The following ZNF529 variants were observed in gnomAD, a reference collection of about 807,000 sequenced individuals.
ZNF529 encodes the protein zinc finger protein 529.
A neutral mutation model predicts 10.1 loss-of-function variants in ZNF529; 11 were observed. That is an observed-to-expected ratio of 1.09 (90% CI 0.69 to 1.81). The LOEUF (loss-of-function observed/expected upper bound fraction) is 1.81, where lower values mean the gene tolerates loss of function less well. Ranked by LOEUF, ZNF529 falls within the 40% of genes most tolerant of loss-of-function variation. ZNF529 has a pLI of 0.00. For missense variants in ZNF529, 624 were observed against 666.8 expected, an observed-to-expected ratio of 0.94 and a Z score of 0.71; for synonymous variants, 204 against 215.7, an observed-to-expected ratio of 0.95 and a Z score of 0.47.
chr19:36,598,274 C>G (rs953631648), intron 1 of ZNF529, among the ~76,000 whole-genome samples: 2 of 152,262 alleles, frequency 1.3e-5, no homozygotes, highest in East Asian at 3.9e-4. Context: ...CTTTGGGAGG[C>G]TGAGGCTGGA....
At chr19:36,592,866 CT>C in intron 1 of ZNF529, among the ~76,000 whole-genome samples, 1 of 152,036 alleles carries the variant, frequency 6.6e-6, no homozygotes, top group Non-Finnish European at 1.5e-5. Context: ...AATATGATCA[CT>C]TTAGTATATA....
chr19:36,572,596 A>C (rs2036165635), intron 1 of ZNF529, among the ~76,000 whole-genome samples: 1 of 152,188 alleles, frequency 6.6e-6, no homozygotes, highest in African/African-American at 2.4e-5. Flanking sequence ...AGCTCAGGAA[A>C]TACTGTAGTT....
At chr19:36,560,106 A>G (rs2035625842) in intron 2 of ZNF529, among the ~76,000 whole-genome samples, 1 of 152,048 alleles carries the variant, frequency 6.6e-6, no homozygotes, top group African/African-American at 2.4e-5. Flanking sequence ...TGAAATAAAA[A>G]ATTAGCCGGG....
intron 2 of ZNF529, chr19:36,581,527 T>C (rs748666151): frequency 6.6e-6 from 1 of 152,242 alleles, no homozygotes; most frequent in Non-Finnish European, 1.5e-5. Flanking sequence ...ATTTGGATAT[T>C]TGTTCCCTCA....
chr19:36,565,482 C>T (rs929973859), intron 2 of ZNF529, among the ~76,000 whole-genome samples: 1 of 152,156 alleles, frequency 6.6e-6, no homozygotes, highest in Non-Finnish European at 1.5e-5. Flanking sequence ...GCAGGCGGAT[C>T]ATGAGGTCAG....
rs116722504 is a variant in ZNF529 at position 36,559,595 on chromosome 19, C to T, written c.15-3398G>A. On this transcript the variant is annotated intron_variant, in intron 2 of 4. Transcript: ENST00000591340. ...GTGCCGGAATTACAGGCGTGAGCCA[C>T]CACACATGGCCAAGTCAGTAACTTG... Among the ~76,000 whole-genome samples the T allele has an allele frequency of 5.7e-3, 866 of 152,354 alleles. 11 individuals are homozygous for T. The highest frequency in any genetic ancestry group is 0.02 in the African/African-American group (830 of 41,568).
At chr19:36,554,882 G>A (rs1483574051) in intron 3 of ZNF529, 86 bp from the exon 4 acceptor site, 12 of 1,233,780 alleles carry the variant, frequency 9.7e-6, no homozygotes, top group Non-Finnish European at 1.3e-5. Flanking sequence ...TATAGCAAGG[G>A]GATTGGACAG....
chr19:36,595,030 C>A (rs1245454155), intron 1 of ZNF529, among the ~76,000 whole-genome samples: 1 of 152,086 alleles, frequency 6.6e-6, no homozygotes, highest in African/African-American at 2.4e-5. Flanking sequence ...AGGCATGCAC[C>A]ACCATGCCTG....
At chr19:36,592,044 C>T (rs753823436) in intron 1 of ZNF529, among the ~76,000 whole-genome samples, 2 of 151,486 alleles carry the variant, frequency 1.3e-5, no homozygotes, top group Non-Finnish European at 2.9e-5. Flanking sequence ...GAGGCCATAG[C>T]GGGTGGATCA....
chr19:36,598,050 G>A (rs1398309074), intron 1 of ZNF529, among the ~76,000 whole-genome samples: 1 of 152,166 alleles, frequency 6.6e-6, no homozygotes, highest in African/African-American at 2.4e-5. Flanking sequence ...CGTTCCTAGA[G>A]GGTCTTGGAA....
At chr19:36,557,460 A>T (rs1381168339) in intron 2 of ZNF529, among the ~76,000 whole-genome samples, 1 of 152,162 alleles carries the variant, frequency 6.6e-6, no homozygotes, top group Non-Finnish European at 1.5e-5. Flanking sequence ...GGGTGGTAGG[A>T]GACAGAATGA....
At chr19:36,548,379 A>G in intron 4 of ZNF529, 57 bp from the exon 5 acceptor site, 1 of 1,431,580 alleles carries the variant, frequency 7.0e-7, no homozygotes, top group Non-Finnish European at 9.2e-7. Context: ...AGTTATAGAA[A>G]GAAGAGACAA....
chr19:36,558,332 C>T (rs1312894524), intron 2 of ZNF529, among the ~76,000 whole-genome samples: 4 of 151,946 alleles, frequency 2.6e-5, no homozygotes, highest in African/African-American at 9.7e-5. Context: ...GCTCAACAAA[C>T]ACCAAGCAGG....
chr19:36,547,095 C>T lies in ZNF529; in HGVS notation c.1463G>A (p.Arg488Lys). 6.2e-7 allele frequency: 1 copy of T among 1,613,940 alleles called. No individual in the cohort carries two copies. Among genetic ancestry groups the T allele is most frequent in the Non-Finnish European group, 8.5e-7 (1 of 1,179,936 alleles). Residue 488 changes from arginine (R) to lysine (K), a missense_variant, in exon 5 of 5, where the codon AGA becomes AAA. Coordinates refer to ENST00000591340, the MANE Select transcript of ZNF529 (RefSeq NM_020951.5). Reference protein sequence around the residue: ...YECKVCGKAFRHSSALTEHQR... With the variant: ...YECKVCGKAFKHSSALTEHQR... ...ATGTTCTGTAAGGGCTGAACTATGT[C>T]TAAAGGCCTTCCCACATACCTTACA...
At chr19:36,598,681 C>G (rs541026899) in intron 1 of ZNF529, among the ~76,000 whole-genome samples, 2 of 152,134 alleles carry the variant, frequency 1.3e-5, no homozygotes, top group African/African-American at 4.8e-5. Flanking sequence ...ATTAGAAAAA[C>G]AACAGCACCT....
chr19:36,584,961 G>GT (rs1049053055), intron 2 of ZNF529, among the ~76,000 whole-genome samples: 25 of 152,084 alleles, frequency 1.6e-4, no homozygotes, highest in African/African-American at 5.8e-4. Context: ...TGATCTCATA[G>GT]AAGTCAATAA....
chr19:36,574,818 C>T (rs2036274845), upstream of ZNF529: 1 of 470,808 alleles, frequency 2.1e-6, no homozygotes, highest in Non-Finnish European at 4.4e-6. Flanking sequence ...GGCATATTTA[C>T]AGGTTTTATA....
chr19:36,574,804 A>G (rs991791371), upstream of ZNF529: 1 of 470,882 alleles, frequency 2.1e-6, no homozygotes, highest in South Asian at 1.6e-5. Flanking sequence ...GTTGTTGAAC[A>G]TTTGGCATAT....
chr19:36,564,363 T>C (rs1274112630), intron 2 of ZNF529, among the ~76,000 whole-genome samples: 2 of 152,006 alleles, frequency 1.3e-5, no homozygotes, highest in African/African-American at 4.8e-5. Context: ...TTAACAAAGG[T>C]CTAATATCCA....
Sources: allele counts gnomAD v4.1 joint callset (sites outside exome capture counted in the v4.1 genomes callset), GRCh38; gene constraint gnomAD v4.1.1; transcripts MANE v1.5; gene names NCBI Gene and HGNC (gene_info 2026-07-23, HGNC 2026-07-21).